DNAJC1: variants seen among roughly 807,000 people sequenced by gnomAD.
DNAJC1 encodes dnaJ homolog subfamily C member 1.
DNAJC1 carries 58 observed loss-of-function variants against 76.6 expected under a neutral mutation model. The observed-to-expected ratio is 0.76, with a 90% CI of 0.61 to 0.94. The LOEUF is 0.94. Among genes scored for constraint, DNAJC1 ranks in the 40% least tolerant of loss-of-function variants. The pLI is 0.00. For synonymous variants in DNAJC1, 258 were observed against 267.9 expected (o/e 0.96, Z 0.36); for missense variants, 689 against 677.3 (o/e 1.02, Z -0.19).
At chr10:21,916,885 G>A (rs1033579071) in intron 6 of DNAJC1, among the ~76,000 whole-genome samples, 1 of 151,886 alleles carries the variant, frequency 6.6e-6, no homozygotes, top group African/African-American at 2.4e-5. Flanking sequence ...TTTTGTTAGT[G>A]ACCACTAGAA....
At chr10:21,809,310 CATTTCT>C in intron 8 of DNAJC1, among the ~76,000 whole-genome samples, 1 of 151,906 alleles carries the variant, frequency 6.6e-6, no homozygotes, top group South Asian at 2.1e-4. Flanking sequence ...ACAAAAGGCT[CATTTCT>C]ATCTAATAAA....
intron 8 of DNAJC1, among the ~76,000 whole-genome samples, chr10:21,812,483 A>G (rs1036230116): frequency 6.6e-6 from 1 of 152,026 alleles, no homozygotes; most frequent in Non-Finnish European, 1.5e-5. Flanking sequence ...AGATTTTTTT[A>G]TATTTTGTAG....
At chr10:21,813,337 A>T (rs1361182462) in intron 8 of DNAJC1, among the ~76,000 whole-genome samples, 1 of 150,232 alleles carries the variant, frequency 6.7e-6, no homozygotes, top group Non-Finnish European at 1.5e-5. Flanking sequence ...GGCCCAATGG[A>T]TAGGCAGTAA....
intron 6 of DNAJC1, among the ~76,000 whole-genome samples, chr10:21,917,299 G>A (rs1298332616): frequency 1.3e-5 from 2 of 151,864 alleles, no homozygotes; most frequent in Admixed American, 1.3e-4. Context: ...ACAATATGTT[G>A]GTTCTAGTCT....
chr10:21,862,105 A>T (rs1436752956), intron 8 of DNAJC1, among the ~76,000 whole-genome samples: 1 of 151,808 alleles, frequency 6.6e-6, no homozygotes, highest in Non-Finnish European at 1.5e-5. Context: ...TTTAGTAGAG[A>T]CGGGGTTTCT....
chr10:21,803,848 GAACT>G (rs1834847951), intron 9 of DNAJC1: 2 of 911,698 alleles, frequency 2.2e-6, no homozygotes, highest in African/African-American at 2.1e-5. Flanking sequence ...TATGAAAACA[GAACT>G]AATACTTGGC....
chr10:21,859,356 T>C (rs1010655681), intron 8 of DNAJC1, among the ~76,000 whole-genome samples: 4 of 152,110 alleles, frequency 2.6e-5, no homozygotes, highest in Non-Finnish European at 2.9e-5. Flanking sequence ...AACTCCTATG[T>C]AAAATGAAGA....
At chr10:21,853,121 T>C (rs186311207) in intron 8 of DNAJC1, among the ~76,000 whole-genome samples, 9 of 152,352 alleles carry the variant, frequency 5.9e-5, no homozygotes. Context: ...TAATCTAAAC[T>C]TCTTATCTTG....
At chr10:21,854,955 A>C (rs548735714) in intron 8 of DNAJC1, among the ~76,000 whole-genome samples, 1 of 152,272 alleles carries the variant, frequency 6.6e-6, no homozygotes, top group South Asian at 2.1e-4. Flanking sequence ...CTTCGATATT[A>C]CGAAACTAAA....
Position 21,859,327 on chromosome 10 carries a change from AC to A in DNAJC1, c.978+22954del, listed in dbSNP as rs776262168. ...TGCATATGACTAAATTAAACACAGC[AC>A]AATGTCCCCGATATTCAAACTCCTA... On this transcript the variant is annotated intron_variant, in intron 8 of 11. Transcript: ENST00000376980. Among the ~76,000 whole-genome samples, 4 of 152,308 alleles carry A rather than the reference AC, an allele frequency of 2.6e-5. No homozygotes were observed. The East Asian group carries it at 7.7e-4, about 29-fold the overall frequency.
rs35532996 is a variant in DNAJC1, at chr10:21,892,356, AACACACAC to A, written c.821-9925_821-9918del. On this transcript the variant is annotated intron_variant, in intron 7 of 11. Coordinates refer to ENST00000376980, the MANE Select transcript of DNAJC1 (RefSeq NM_022365.4). ...GTTTAAATACACAAATTGTCTATTTAACACACACACACACACACACACACACGGTCTTT... is the reference window on the plus strand; with the variant it reads ...GTTTAAATACACAAATTGTCTATTTAACACACACACACACACACGGTCTTT... Among the ~76,000 whole-genome samples the A allele has an allele frequency of 2.3e-3, 335 of 147,724 alleles. 3 individuals carry two copies. The highest frequency in any genetic ancestry group is 7.9e-3 in the African/African-American group (318 of 40,398).
intron 9 of DNAJC1, among the ~76,000 whole-genome samples, chr10:21,766,833 G>A (rs1052794684): frequency 4.6e-5 from 7 of 152,042 alleles, no homozygotes; most frequent in Non-Finnish European, 7.4e-5. Context: ...AGCTGGGCAA[G>A]GCGGTGGTTG....
chr10:21,883,927 G>T (rs956736910), intron 7 of DNAJC1, among the ~76,000 whole-genome samples: 1 of 152,130 alleles, frequency 6.6e-6, no homozygotes, highest in Admixed American at 6.6e-5. Flanking sequence ...ATTAAGTAAT[G>T]CTTACACAAC....
chr10:21,843,099 T>C (rs11598316), intron 8 of DNAJC1, among the ~76,000 whole-genome samples: 5,659 of 152,256 alleles, frequency 0.037, 171 homozygotes, highest in Non-Finnish European at 0.058. Context: ...TATAAAATCC[T>C]TGAAAACAAA....
At chr10:21,788,595 C>T (rs906764723) in intron 9 of DNAJC1, among the ~76,000 whole-genome samples, 2 of 152,132 alleles carry the variant, frequency 1.3e-5, no homozygotes, top group Admixed American at 6.5e-5. Context: ...ATGGCCCAAA[C>T]GACAGCCATG....
At chr10:21,827,013 C>T (rs1835269292) in intron 8 of DNAJC1, among the ~76,000 whole-genome samples, 1 of 151,538 alleles carries the variant, frequency 6.6e-6, no homozygotes, top group African/African-American at 2.4e-5. Flanking sequence ...TTGATGGGGA[C>T]TGCACCGAAT....
At chr10:21,961,271 C>T (rs775555156) in intron 1 of DNAJC1, among the ~76,000 whole-genome samples, 1 of 152,138 alleles carries the variant, frequency 6.6e-6, no homozygotes, top group Non-Finnish European at 1.5e-5. Context: ...GATACTCGTA[C>T]ATCATCGTTC....
In DNAJC1 at chr10:21,862,620, G is replaced by C. The variant is rs1465341036; in HGVS notation, c.978+19662C>G. On this transcript the variant is annotated intron_variant, in intron 8 of 11. Transcript: ENST00000376980. The stretch of plus-strand genomic sequence containing the variant: ...ATTTTTGTATTTTGAGTAGAGACAG[G>C]GTTTCGCTATGTTGGCCAGGCTGGT... Among the ~76,000 whole-genome samples, 7 of 151,806 alleles carry C rather than the reference G, an allele frequency of 4.6e-5. No homozygotes were observed. The South Asian group carries it at 6.3e-4, about 14-fold the overall frequency.
chr10:21,994,848 C>T (rs1051669613), intron 1 of DNAJC1, among the ~76,000 whole-genome samples: 1 of 150,938 alleles, frequency 6.6e-6, no homozygotes, highest in African/African-American at 2.4e-5. Flanking sequence ...TATAAAAGAT[C>T]CATAAAGAAA....
Sources: allele counts gnomAD v4.1 joint callset (sites outside exome capture counted in the v4.1 genomes callset), GRCh38; gene constraint gnomAD v4.1.1; transcripts MANE v1.5; gene names NCBI Gene and HGNC (gene_info 2026-07-23, HGNC 2026-07-21).